NOB1: variants seen among roughly 807,000 people sequenced by gnomAD.
The protein encoded by NOB1 is NIN1 (RPN12) binding protein 1 homolog, also known as RNA-binding protein NOB1.
A neutral mutation model predicts 44.8 loss-of-function variants in NOB1; 44 were observed. The ratio of observed to expected loss-of-function variants is 0.98; its 90% CI spans 0.77 to 1.26. The LOEUF is 1.26. Ranked by LOEUF, NOB1 falls within the 50% of genes most tolerant of loss-of-function variation. The pLI, the probability that NOB1 is intolerant of heterozygous loss-of-function variation, is 0.00. For synonymous variants in NOB1, 238 were observed against 218.7 expected (o/e 1.09, Z -0.78); for missense variants, 560 against 544.8 (o/e 1.03, Z -0.28).
intron 2 of NOB1, among the ~76,000 whole-genome samples, chr16:69,754,080 G>A (rs1399421883): frequency 6.6e-6 from 1 of 152,194 alleles, no homozygotes; most frequent in Non-Finnish European, 1.5e-5. Context: ...TGGGATTACA[G>A]GCCGTAAGCC....
intron 8 of NOB1, among the ~76,000 whole-genome samples, chr16:69,744,185 GT>G (rs771620015): frequency 1.3e-5 from 2 of 152,160 alleles, no homozygotes; most frequent in South Asian, 2.1e-4. Flanking sequence ...GCCAAGCATG[GT>G]GGCGTGTGCC....
At chr16:69,750,326 A>T (rs2038472652) in intron 3 of NOB1, among the ~76,000 whole-genome samples, 1 of 152,062 alleles carries the variant, frequency 6.6e-6, no homozygotes, top group South Asian at 2.1e-4. Context: ...TTTTAAAAAA[A>T]TCAGAGAATA....
chr16:69,749,710 G>T, intron 3 of NOB1, 80 bp from the exon 4 acceptor site: 1 of 1,039,172 alleles, frequency 9.6e-7, no homozygotes, highest in East Asian at 2.6e-5. Context: ...GGGCACGATG[G>T]CTCATGCCTG....
At chr16:69,743,724 G>C (rs2038404648) in intron 8 of NOB1, among the ~76,000 whole-genome samples, 1 of 152,208 alleles carries the variant, frequency 6.6e-6, no homozygotes, top group East Asian at 1.9e-4. Context: ...ATGACAAAAT[G>C]CAACGTTTCA....
chr16:69,754,747 C>G, intron 1 of NOB1, 21 bp from the exon 2 acceptor site: 1 of 1,613,900 alleles, frequency 6.2e-7, no homozygotes, highest in Non-Finnish European at 8.5e-7. Context: ...AACGCCCCAG[C>G]TCAGACCCAC....
intron 2 of NOB1, among the ~76,000 whole-genome samples, chr16:69,753,793 T>C (rs546989855): frequency 6.6e-6 from 1 of 152,034 alleles, no homozygotes; most frequent in Non-Finnish European, 1.5e-5. Context: ...CAAGAGACAA[T>C]TCTTTAATTT....
intron 7 of NOB1, among the ~76,000 whole-genome samples, chr16:69,747,222 C>CAAAAAAAAAA (rs35257586): frequency 5.5e-4 from 43 of 78,386 alleles, no homozygotes; most frequent in Non-Finnish European, 8.2e-4. Context: ...ACCCTGTCTC[C>CAAAAAAAAAA]AAAAAAAAAA....
At chr16:69,745,678 A>G (rs1383782924) in intron 7 of NOB1, among the ~76,000 whole-genome samples, 1 of 152,222 alleles carries the variant, frequency 6.6e-6, no homozygotes, top group Middle Eastern at 3.2e-3. Flanking sequence ...TCTCGACAGG[A>G]GAAAGCTGCT....
intron 7 of NOB1, among the ~76,000 whole-genome samples, chr16:69,747,961 C>G (rs931990151): frequency 3.3e-5 from 5 of 152,112 alleles, no homozygotes; most frequent in Admixed American, 6.6e-5. Flanking sequence ...AGTTCGAGAC[C>G]AGCCTGACCA....
chr16:69,744,998 G>T lies in NOB1; in HGVS notation c.844C>A (p.Arg282=). ...TTCCCACAGTGTGAGCAGAACACTC[G>T]GCTCATGTCAGACGTTGTCCTGGGA... ...GCFKTTSDMS[R]VFCSHCGNKT... Residue 282 remains arginine (R), a synonymous_variant, in exon 8 of 9, where the codon CGA becomes AGA. Transcript: ENST00000268802. 6.2e-7 allele frequency: 1 copy of T among 1,614,086 alleles called. No individual in the cohort carries two copies. The highest frequency in any genetic ancestry group is 8.5e-7 in the Non-Finnish European group (1 of 1,180,014).
chr16:69,754,865 G>A lies in NOB1; in HGVS notation c.46C>T (p.Arg16Trp), dbSNP rs1227385239. ...CCCCGTACCTGCAGAGCCGCATGCC[G>A]CAGGAAAGCCCCAGCATCCGCCACA... is the stretch of plus-strand genomic sequence containing the variant. ...HVVADAGAFL[R>W]HAALQDIGKN... The change falls in exon 1 of 9, where the codon CGG (arginine) becomes TGG (tryptophan). Residue 16 changes from arginine (R) to tryptophan (W), a missense_variant. Transcript: ENST00000268802. 3 of 1,597,516 alleles carry A rather than the reference G, an allele frequency of 1.9e-6. No homozygotes were observed. Among genetic ancestry groups the A allele is most frequent in the Admixed American group, 1.7e-5 (1 of 57,388 alleles).
At chr16:69,749,379 CTG>C in intron 4 of NOB1, 41 bp from the exon 5 acceptor site, 1 of 1,580,674 alleles carries the variant, frequency 6.3e-7, no homozygotes, top group Non-Finnish European at 8.6e-7. Context: ...GAAAATTCAT[CTG>C]TAGCCACCTC....
In NOB1 at chr16:69,749,601, T is replaced by C. The variant is rs1229809814; in HGVS notation, c.357A>G (p.Pro119=). Residue 119 remains proline, a synonymous_variant, in exon 4 of 9, where the codon CCA becomes CCG. Coordinates refer to ENST00000268802, the MANE Select transcript of NOB1 (RefSeq NM_014062.3). ...KVKVSSSIQH[P]ETPLHISGFH... is the part of the protein sequence containing the mutation. The stretch of plus-strand genomic sequence containing the variant: ...AACCAGAAATGTGCAGAGGTGTTTC[T>C]GGGTGCTGAATCGATGAGCTCACCT... 6.2e-7 allele frequency: 1 copy of C among 1,613,476 alleles called. No individual in the cohort carries two copies. Among genetic ancestry groups the C allele is most frequent in the Non-Finnish European group, 8.5e-7 (1 of 1,179,876 alleles).
At position 69,742,550 on chromosome 16, in the gene NOB1, T is replaced by A. The variant is rs933762241; in HGVS notation, c.1021A>T (p.Thr341Ser). ...AGCTGAGGGAAGCGCTGATCCTCGGTGAGATGGGGGTTGATGGCGTATTTG... is the reference window on the plus strand; with the variant it reads ...AGCTGAGGGAAGCGCTGATCCTCGGAGAGATGGGGGTTGATGGCGTATTTG... ...GGKYAINPHL[T>S]EDQRFPQLRL... The change falls in exon 9 of 9, where the codon ACC (threonine) becomes TCC (serine). Residue 341 changes from threonine to serine, a missense_variant. Transcript: ENST00000268802. 10 of 1,613,744 alleles carry A rather than the reference T, an allele frequency of 6.2e-6. No homozygotes were observed. The highest frequency in any genetic ancestry group is 8.5e-6 in the Non-Finnish European group (10 of 1,179,922).
intron 8 of NOB1, among the ~76,000 whole-genome samples, chr16:69,742,835 A>C (rs1211685592): frequency 6.6e-6 from 1 of 152,202 alleles, no homozygotes; most frequent in Non-Finnish European, 1.5e-5. Flanking sequence ...CCTTCAGCTA[A>C]AGACAATACA....
chr16:69,754,849 T>G lies in NOB1; in HGVS notation c.62A>C (p.Gln21Pro). Residue 21 changes from glutamine (Q) to proline (P), a missense_variant and splice_region_variant, in exon 1 of 9, where the codon CAG (glutamine) becomes CCG (proline). Physicochemically the swap from Gln to Pro is moderately conservative, Grantham distance 76 (BLOSUM62 -1). Transcript: ENST00000268802. ...AGAFLRHAAL[Q>P]DIGKNIYTIR... is the part of the protein sequence containing the mutation. ...CGTCCCGGAGGGAGCTCCCCGTACC[T>G]GCAGAGCCGCATGCCGCAGGAAAGC... 1 of 1,601,432 alleles carries G rather than the reference T, an allele frequency of 6.2e-7. No homozygotes were observed. Among genetic ancestry groups the G allele is most frequent in the Non-Finnish European group, 8.5e-7 (1 of 1,175,032 alleles).
intron 3 of NOB1, among the ~76,000 whole-genome samples, chr16:69,750,327 T>C (rs951037491): frequency 6.6e-6 from 1 of 151,696 alleles, no homozygotes; most frequent in Non-Finnish European, 1.5e-5. Context: ...TTTAAAAAAA[T>C]CAGAGAATAA....
Position 69,748,982 on chromosome 16 carries a change from A to T in NOB1, c.662T>A (p.Leu221Gln), listed in dbSNP as rs1299260798. Residue 221 changes from leucine to glutamine, a missense_variant, in exon 6 of 9, where the codon CTG (leucine) becomes CAG (glutamine). Leu to Gln is a moderately radical substitution (Grantham distance 113). Coordinates refer to ENST00000268802, the MANE Select transcript of NOB1 (RefSeq NM_014062.3). ...PSNIKQIQQE[L>Q]EQCDVPEDVR... ...GTCCTCGGGGACGTCACACTGCTCC[A>T]GCTCCTGCTGGATCTGCTTGATGTT... 6.2e-7 allele frequency: 1 copy of T among 1,614,192 alleles called. No individual in the cohort carries two copies. The highest frequency in any genetic ancestry group is 8.5e-7 in the Non-Finnish European group (1 of 1,180,002).
intron 8 of NOB1, 46 bp from the exon 9 acceptor site, chr16:69,742,647 G>A: frequency 6.3e-7 from 1 of 1,595,942 alleles, no homozygotes; most frequent in Non-Finnish European, 8.6e-7. Context: ...GGGAGCCACA[G>A]TCACACAAGG....
Sources: allele counts gnomAD v4.1 joint callset (sites outside exome capture counted in the v4.1 genomes callset), GRCh38; gene constraint gnomAD v4.1.1; transcripts MANE v1.5; gene names NCBI Gene and HGNC (gene_info 2026-07-23, HGNC 2026-07-21).